THSD4: variants seen among roughly 807,000 people sequenced by gnomAD.
THSD4 encodes thrombospondin type-1 domain-containing protein 4.
THSD4 carries 69 observed loss-of-function variants against 119.0 expected under a neutral mutation model. The ratio of observed to expected loss-of-function variants is 0.58; its 90% CI spans 0.48 to 0.71. The LOEUF (loss-of-function observed/expected upper bound fraction) is 0.71, where lower values mean the gene tolerates loss of function less well. THSD4 is among the 30% of genes least tolerant of loss of function. THSD4 has a pLI of 0.00. For synonymous variants in THSD4, 524 were observed against 540.4 expected, an observed-to-expected ratio of 0.97 and a Z score of 0.42; for missense variants, 1,393 against 1,391.1, an observed-to-expected ratio of 1.00 and a Z score of -0.02.
Position 71,419,963 on chromosome 15 carries a change from A to C in THSD4, c.1152+8140A>C, listed in dbSNP as rs781672856. Among the ~76,000 whole-genome samples the C allele has an allele frequency of 1.4e-4, 15 of 108,408 alleles. 4 individuals are homozygous for C. The highest frequency in any genetic ancestry group is 2.8e-4 in the Non-Finnish European group (14 of 49,348). 71.1% of individuals were successfully genotyped at this position (108,408 alleles called of 152,430 possible). ...ATGTGTATTCTGCAGCTGTTGGATGAAATGTTCTGTAAATATCTATTAGAT... is the reference window on the plus strand; with the variant it reads ...ATGTGTATTCTGCAGCTGTTGGATGCAATGTTCTGTAAATATCTATTAGAT... On this transcript the variant is annotated intron_variant, in intron 7 of 17. Coordinates refer to ENST00000261862, the MANE Select transcript of THSD4 (RefSeq NM_024817.3).
rs909783486 is a variant in THSD4 at position 71,777,581 on chromosome 15, A to G, written c.*207A>G. On this transcript the variant is annotated 3_prime_UTR_variant, in exon 18 of 18. Transcript: ENST00000261862. ...TTTGAAAGCCACAGTCAGTCCTTTA[A>G]GCATCACCATGTACTGATGATCCCC... 9.4e-6 allele frequency: 6 copies of G among 639,676 alleles called. No individual in the cohort carries two copies. The highest frequency in any genetic ancestry group is 1.8e-5 in the African/African-American group (1 of 54,454). The allele number at this position is 639,676 out of a possible 1,614,324, so 39.6% of individuals were successfully genotyped here.
chr15:71,432,286 T>TAATTTAG (rs998203541), intron 7 of THSD4, among the ~76,000 whole-genome samples: 1 of 152,180 alleles, frequency 6.6e-6, no homozygotes, highest in Non-Finnish European at 1.5e-5. Flanking sequence ...TGAAAAGACT[T>TAATTTAG]AATTTAGAAT....
intron 7 of THSD4, among the ~76,000 whole-genome samples, chr15:71,512,265 C>G (rs995060658): frequency 1.3e-5 from 2 of 152,142 alleles, no homozygotes; most frequent in African/African-American, 4.8e-5. Context: ...TCCAGTGTAG[C>G]TCACAGGTTT....
In THSD4 at chr15:71,097,493, G is replaced by A. The variant is rs552905750; in HGVS notation, c.-80+487G>A. 3.3e-5 allele frequency among the ~76,000 whole-genome samples: 5 copies of A among 151,278 alleles called. No homozygotes were observed. In the South Asian group the frequency reaches 8.4e-4, roughly 25 times the overall value. On this transcript the variant is annotated intron_variant, in intron 1 of 17. Coordinates refer to the THSD4 transcript ENST00000355327. ...AGGTTAGTGGATTGCTTGAGCCTACGAGGTCAAGGTTGCCGTCAGCCAAGA... is the reference window on the plus strand; with the variant it reads ...AGGTTAGTGGATTGCTTGAGCCTACAAGGTCAAGGTTGCCGTCAGCCAAGA...
At chr15:71,613,549 T>TA (rs1368048398) in intron 7 of THSD4, among the ~76,000 whole-genome samples, 1 of 152,174 alleles carries the variant, frequency 6.6e-6, no homozygotes, top group Non-Finnish European at 1.5e-5. Context: ...CACAATCTAT[T>TA]AAATTTCTCT....
rs575348012 is a variant in THSD4 at position 71,370,688 on chromosome 15, T to A, written c.1016-40999T>A. 2.6e-5 allele frequency among the ~76,000 whole-genome samples: 4 copies of A among 152,252 alleles called. No homozygotes were observed. In the South Asian group the frequency reaches 8.3e-4, roughly 32 times the overall value. On this transcript the variant is annotated intron_variant, in intron 6 of 17. Coordinates refer to ENST00000261862, the MANE Select transcript of THSD4 (RefSeq NM_024817.3). ...CTGTTCTTTTACATTTGCTGAGGAG[T>A]GCTTTACTTCAACTATGTGGTCAAT...
intron 7 of THSD4, among the ~76,000 whole-genome samples, chr15:71,636,353 G>A (rs755417378): frequency 1.6e-4 from 25 of 152,102 alleles, no homozygotes; most frequent in Admixed American, 5.2e-4. Flanking sequence ...AACCTGGGAG[G>A]CAGAGGTTGC....
chr15:71,449,012 A>G (rs2047227952), intron 7 of THSD4, among the ~76,000 whole-genome samples: 1 of 152,130 alleles, frequency 6.6e-6, no homozygotes, highest in South Asian at 2.1e-4. Context: ...ATTCTCCCTC[A>G]CAGCAGCCAA....
intron 7 of THSD4, 93 bp downstream of exon 7, chr15:71,411,916 C>T: frequency 2.6e-6 from 4 of 1,523,720 alleles, no homozygotes; most frequent in Non-Finnish European, 3.6e-6. Context: ...GCTGCTAGCT[C>T]CCCCCAGCCC....
chr15:71,748,887 G>A (rs375477872), intron 14 of THSD4, among the ~76,000 whole-genome samples: 17 of 152,286 alleles, frequency 1.1e-4, no homozygotes, highest in South Asian at 8.3e-4. Context: ...CATATGTCTT[G>A]TAAGTGCCTG....
At chr15:71,753,780 G>A (rs1009643745) in intron 14 of THSD4, among the ~76,000 whole-genome samples, 1 of 152,150 alleles carries the variant, frequency 6.6e-6, no homozygotes, top group African/African-American at 2.4e-5. Context: ...GGTCGTGAGT[G>A]GGGAGCTCCT....
At chr15:71,350,141 T>TAAAAAAAAAAAAAAAAAAAAAAAA (rs3086680) in intron 6 of THSD4, among the ~76,000 whole-genome samples, 1 of 111,174 alleles carries the variant, frequency 9.0e-6, no homozygotes, top group Non-Finnish European at 1.9e-5. Context: ...TGCAAATTAC[T>TAAAAAAAAAAAAAAAAAAAAAAAA]AAAAAAAAAA....
chr15:71,584,880 T>C (rs529990084), intron 7 of THSD4, among the ~76,000 whole-genome samples: 2 of 152,306 alleles, frequency 1.3e-5, no homozygotes, highest in Admixed American at 6.5e-5. Context: ...TTTATCTTCA[T>C]GATTTCCATG....
intron 7 of THSD4, among the ~76,000 whole-genome samples, chr15:71,429,254 T>C (rs1428762237): frequency 6.6e-6 from 1 of 152,154 alleles, no homozygotes; most frequent in Non-Finnish European, 1.5e-5. Context: ...AGGAAAGAGA[T>C]GGGAATATGT....
chr15:71,563,668 T>C (rs1193749872), intron 7 of THSD4, among the ~76,000 whole-genome samples: 1 of 152,218 alleles, frequency 6.6e-6, no homozygotes, highest in East Asian at 1.9e-4. Flanking sequence ...ATAACCTGAT[T>C]GTAAATACTT....
At position 71,630,082 on chromosome 15, in the gene THSD4, A is replaced by G. The variant is rs562365332; in HGVS notation, c.1153-30448A>G. On this transcript the variant is annotated intron_variant, in intron 7 of 17. Transcript: ENST00000261862. ...TTATGTCTTTGTAAGCTGGCTCTCA[A>G]TCATGTTCTTTCTTTTTTAAAATTT... Among the ~76,000 whole-genome samples the G allele has an allele frequency of 2.2e-4, 34 of 152,272 alleles. No individual in the cohort carries two copies. In the South Asian group the frequency reaches 7.0e-3, roughly 32 times the overall value.
intron 4 of THSD4, among the ~76,000 whole-genome samples, chr15:71,221,774 A>C (rs1388999408): frequency 6.6e-6 from 1 of 152,198 alleles, no homozygotes; most frequent in African/African-American, 2.4e-5. Context: ...GAAATTGGGA[A>C]GTGGAATTTC....
At position 71,245,604 on chromosome 15, in the gene THSD4, A is replaced by T. The variant is rs576947124; in HGVS notation, c.912+2508A>T. Reference sequence around the variant, plus strand: ...CTCTCCAGAATCACAGTGGAGCCACATAGGACTTGCTTAATTCCTCTGCAA... The same window carrying T: ...CTCTCCAGAATCACAGTGGAGCCACTTAGGACTTGCTTAATTCCTCTGCAA... On this transcript the variant is annotated intron_variant, in intron 5 of 17. Transcript: ENST00000261862. Among the ~76,000 whole-genome samples, 10 of 152,352 alleles carry T rather than the reference A, an allele frequency of 6.6e-5. No homozygotes were observed. The South Asian group carries it at 1.9e-3, about 28-fold the overall frequency.
intron 6 of THSD4, among the ~76,000 whole-genome samples, chr15:71,331,719 G>T (rs537411224): frequency 6.6e-6 from 1 of 152,228 alleles, no homozygotes; most frequent in Admixed American, 6.5e-5. Flanking sequence ...AACACCTCAG[G>T]GCCCATCTCC....
Sources: gnomAD v4.1 joint callset for allele counts (sites outside exome capture counted in the v4.1 genomes callset) on GRCh38, gnomAD v4.1.1 for gene constraint, MANE v1.5 for transcripts, NCBI Gene and HGNC (gene_info 2026-07-23, HGNC 2026-07-21) for gene names.